Variants in CADPS observed in about 807,000 individuals in gnomAD.
The protein encoded by CADPS is calcium dependent secretion activator, also known as calcium-dependent secretion activator 1.
Under a neutral mutation model 167.3 loss-of-function variants are expected in CADPS, and 57 were observed. The observed-to-expected ratio is 0.34, with a 90% CI of 0.28 to 0.42. The LOEUF is 0.42. CADPS is among the 20% of genes least tolerant of loss of function. The pLI is 1.00. For synonymous variants in CADPS, 676 were observed against 635.3 expected (o/e 1.06, Z -0.96); for missense variants, 1,414 against 1,738.1 (o/e 0.81, Z 3.32).
In CADPS at chr3:62,399,673, A is replaced by G; in HGVS notation, c.3883-88T>C. 1 of 1,029,066 alleles carries G rather than the reference A, an allele frequency of 9.7e-7. No individual in the cohort carries two copies. The highest frequency in any genetic ancestry group is 1.5e-6 in the Non-Finnish European group (1 of 680,924). 63.7% of individuals were successfully genotyped at this position (1,029,066 alleles called of 1,614,324 possible). A position where few individuals can be genotyped will look rare whatever the true frequency, so the allele number is the denominator to read the frequency against. Reference sequence around the variant, plus strand: ...TAAAAGCAGGTGTGGGTGGGAGAGCACTGACCTTCAGCTAAATATCACACT... The same window carrying G: ...TAAAAGCAGGTGTGGGTGGGAGAGCGCTGACCTTCAGCTAAATATCACACT... On this transcript the variant is annotated intron_variant, in intron 29 of 29. Coordinates refer to ENST00000383710, the MANE Select transcript of CADPS (RefSeq NM_003716.4). This position sits in a 1 kb window ranked among gnomAD's most constrained non-coding sequence, Gnocchi z 5.6.
rs961837032 is a variant in CADPS, at chr3:62,554,565, A to G, written c.1753+2840T>C. Among the ~76,000 whole-genome samples the G allele has an allele frequency of 2.0e-5, 3 of 152,118 alleles. No individual in the cohort carries two copies. In the South Asian group the frequency reaches 6.2e-4, roughly 31 times the overall value. On this transcript the variant is annotated intron_variant, in intron 10 of 29. Transcript: ENST00000383710. ...TTTGCACACTCACCTTTCAGGGAGCAGTTGAGGAGACTCCTCAAATCTGAG... is the reference window on the plus strand; with the variant it reads ...TTTGCACACTCACCTTTCAGGGAGCGGTTGAGGAGACTCCTCAAATCTGAG...
intron 1 of CADPS, among the ~76,000 whole-genome samples, chr3:62,816,449 A>T (rs1265226852): frequency 6.6e-6 from 1 of 152,108 alleles, no homozygotes; most frequent in Non-Finnish European, 1.5e-5. Flanking sequence ...TGCAAATATC[A>T]TAGAGAAATT....
At chr3:62,873,893 G>T (rs1461001014) in intron 1 of CADPS, among the ~76,000 whole-genome samples, 1 of 152,158 alleles carries the variant, frequency 6.6e-6, no homozygotes, top group Non-Finnish European at 1.5e-5. Context: ...GGGTCAGTGA[G>T]GAAGGGTCAG....
chr3:62,584,697 C>A (rs971005978), intron 8 of CADPS, among the ~76,000 whole-genome samples: 2 of 152,222 alleles, frequency 1.3e-5, no homozygotes, highest in African/African-American at 4.8e-5. Context: ...AAGATGATCA[C>A]AAATTTTCTA....
intron 3 of CADPS, among the ~76,000 whole-genome samples, chr3:62,743,210 T>G (rs1008496596): frequency 1.3e-5 from 2 of 152,200 alleles, no homozygotes; most frequent in African/African-American, 4.8e-5. Context: ...TTTTTGAAAG[T>G]AAATAATTAT....
At chr3:62,846,712 G>C (rs1016266604) in intron 1 of CADPS, among the ~76,000 whole-genome samples, 9 of 151,956 alleles carry the variant, frequency 5.9e-5, no homozygotes, top group African/African-American at 2.2e-4. Context: ...GTGTCACCTA[G>C]GAGTGCAGTG....
chr3:62,482,267 T>C (rs1056602989), intron 21 of CADPS, among the ~76,000 whole-genome samples: 1 of 152,154 alleles, frequency 6.6e-6, no homozygotes, highest in Non-Finnish European at 1.5e-5. Flanking sequence ...ATAGAAATGG[T>C]GGAGCACTTC....
intron 26 of CADPS, among the ~76,000 whole-genome samples, chr3:62,461,690 T>C (rs6445272): frequency 0.16 from 24,771 of 152,180 alleles, 3,728 homozygotes; most frequent in African/African-American, 0.4. Flanking sequence ...CTTGAGAGCT[T>C]AAGTCGCTCA....
intron 29 of CADPS, among the ~76,000 whole-genome samples, chr3:62,400,216 G>T (rs1352697379): frequency 6.6e-6 from 1 of 152,138 alleles, no homozygotes; most frequent in Non-Finnish European, 1.5e-5. Flanking sequence ...TATCTATTCT[G>T]TTCACAACTT....
At chr3:62,622,064 T>C (rs1428690343) in intron 6 of CADPS, among the ~76,000 whole-genome samples, 2 of 152,216 alleles carry the variant, frequency 1.3e-5, no homozygotes, top group Middle Eastern at 3.4e-3. Context: ...CTTGCTCATC[T>C]CCTCTTGCAT....
rs189529154 is a variant in CADPS, at chr3:62,514,219, G to A, written c.2582-1451C>T. Among the ~76,000 whole-genome samples, 20 of 152,142 alleles carry A rather than the reference G, an allele frequency of 1.3e-4. No homozygotes were observed. The highest frequency in any genetic ancestry group is 4.8e-4 in the African/African-American group (20 of 41,534). ...GAGCCTTGTAAAAGAAAGTTGTCTG[G>A]TAGTAATATCTTTCAGGCTGCAATG... is the stretch of plus-strand genomic sequence containing the variant. On this transcript the variant is annotated intron_variant, in intron 16 of 29. Transcript: ENST00000383710. This position sits in a 1 kb window ranked among gnomAD's most constrained non-coding sequence, Gnocchi z 4.2.
At position 62,702,498 on chromosome 3, in the gene CADPS, C is replaced by T. The variant is rs887393429; in HGVS notation, c.889-40104G>A. Among the ~76,000 whole-genome samples, 22 of 152,002 alleles carry T rather than the reference C, an allele frequency of 1.4e-4. 1 individual carries two copies. Among genetic ancestry groups the T allele is most frequent in the African/African-American group, 5.3e-4 (22 of 41,358 alleles). ...CAGAAGACCAGTTGAGCAGTATCAT[C>T]AAGGAATAAATAGATTGGTGATGAT... On this transcript the variant is annotated intron_variant, in intron 3 of 29. Transcript: ENST00000383710.
intron 1 of CADPS, among the ~76,000 whole-genome samples, chr3:62,791,995 C>A (rs1360414043): frequency 2.0e-5 from 3 of 152,130 alleles, no homozygotes; most frequent in African/African-American, 7.2e-5. Flanking sequence ...ATCCTTAAAC[C>A]ACCTGGACCT....
chr3:62,612,842 A>G (rs2061686842), intron 6 of CADPS, among the ~76,000 whole-genome samples: 1 of 152,088 alleles, frequency 6.6e-6, no homozygotes, highest in Non-Finnish European at 1.5e-5. Context: ...CCATTCACCC[A>G]CCTCTCCAAT....
At chr3:62,785,908 C>T (rs1019476741) in intron 1 of CADPS, among the ~76,000 whole-genome samples, 4 of 115,658 alleles carry the variant, frequency 3.5e-5, no homozygotes, top group Non-Finnish European at 7.2e-5. Context: ...AAACTCTTTT[C>T]AAAAAGAAAA....
chr3:62,573,241 C>A (rs1269546959), intron 8 of CADPS, among the ~76,000 whole-genome samples: 1 of 152,168 alleles, frequency 6.6e-6, no homozygotes, highest in Non-Finnish European at 1.5e-5. Context: ...AATGTAAATA[C>A]TATGTAAATA....
chr3:62,859,530 G>A lies in CADPS; in HGVS notation c.441+15059C>T, dbSNP rs116770814. Among the ~76,000 whole-genome samples the A allele has an allele frequency of 1.4e-3, 213 of 152,280 alleles. 1 individual carries two copies. The highest frequency in any genetic ancestry group is 4.9e-3 in the African/African-American group (204 of 41,542). On this transcript the variant is annotated intron_variant, in intron 1 of 29. Transcript: ENST00000383710. ...TAGAACTGCTGCTTCGGGGGGAGAC[G>A]TGCTTCTGATTAATTGAAACAAGTG... is the stretch of plus-strand genomic sequence containing the variant.
chr3:62,729,406 A>C (rs1381594293), intron 3 of CADPS, among the ~76,000 whole-genome samples: 2 of 151,858 alleles, frequency 1.3e-5, no homozygotes, highest in African/African-American at 4.9e-5. Context: ...AGCAGGTTAG[A>C]GGGGAGATGA....
intron 1 of CADPS, among the ~76,000 whole-genome samples, chr3:62,819,685 A>G (rs1033091454): frequency 5.3e-5 from 8 of 152,116 alleles, no homozygotes; most frequent in Non-Finnish European, 1.2e-4. Context: ...GGTCAGTCAT[A>G]TGGGCACTCC....
Sources: gnomAD v4.1 joint callset for allele counts (sites outside exome capture counted in the v4.1 genomes callset) on GRCh38, gnomAD v4.1.1 for gene constraint, Gnocchi (gnomAD v3.1) non-coding constraint, MANE v1.5 for transcripts, NCBI Gene and HGNC (gene_info 2026-07-23, HGNC 2026-07-21) for gene names.